Variants in NAV2 observed in about 807,000 individuals in gnomAD.
The protein encoded by NAV2 is neuron navigator 2, also known as helicase, APC down-regulated 1.
NAV2 carries 54 observed loss-of-function variants against 223.2 expected under a neutral mutation model. The ratio of observed to expected loss-of-function variants is 0.24; its 90% CI spans 0.19 to 0.30. The LOEUF is 0.30. Among genes scored for constraint, NAV2 ranks in the 10% least tolerant of loss-of-function variants. The pLI is 1.00. For synonymous variants in NAV2, 1,279 were observed against 1,239.3 expected (o/e 1.03, Z -0.67); for missense variants, 2,806 against 3,147.5 (o/e 0.89, Z 2.60).
At chr11:19,944,480 CCTTTCCCCTTTCCCCTTTCCT>C (rs550559740) in intron 8 of NAV2, among the ~76,000 whole-genome samples, 52 of 148,086 alleles carry the variant, frequency 3.5e-4, no homozygotes, top group African/African-American at 1.2e-3. Context: ...CTCTTCTTCT[CCTTTCCCCTTTCCCCTTTCCT>C]CTTTCCCCTT....
intron 1 of NAV2, among the ~76,000 whole-genome samples, chr11:19,705,648 C>T (rs895026686): frequency 5.9e-5 from 9 of 151,954 alleles, no homozygotes; most frequent in African/African-American, 2.2e-4. Flanking sequence ...TCCTTCTGTG[C>T]CAAAACAACC....
intron 1 of NAV2, among the ~76,000 whole-genome samples, chr11:19,781,880 C>G (rs1022555617): frequency 1.3e-5 from 2 of 152,072 alleles, no homozygotes; most frequent in Admixed American, 1.3e-4. Flanking sequence ...TTCCCACTAT[C>G]AAACTAATTA....
Position 19,467,040 on chromosome 11 carries a change from GAGAGAT to G in NAV2, c.75+116017_75+116022del, listed in dbSNP as rs879881946. On this transcript the variant is annotated intron_variant, in intron 1 of 37. Transcript: ENST00000360655. ...ACACAGAGAGAGAGAGAGAGAGAGA[GAGAGAT>G]AGATAGAGAGAGAGAGATGGATATC... Among the ~76,000 whole-genome samples, 242 of 149,368 alleles carry G rather than the reference GAGAGAT, an allele frequency of 1.6e-3. 1 individual carries two copies. The highest frequency in any genetic ancestry group is 0.01 in the Middle Eastern group (3 of 288).
Position 20,095,715 on chromosome 11 carries a change from G to T in NAV2, c.5960G>T (p.Ser1987Ile), listed in dbSNP as rs1337913100. The T allele has an allele frequency of 6.2e-7, 1 of 1,614,142 alleles. No individual in the cohort carries two copies. The highest frequency in any genetic ancestry group is 1.7e-5 in the Admixed American group (1 of 60,010). ...HLFLIGCIGVSGKTKWDVLDG... is the reference protein window; with the variant it reads ...HLFLIGCIGVIGKTKWDVLDG... Reference sequence around the variant, plus strand: ...TTTCTTATTGGCTGCATTGGAGTTAGTGGCAAGACGAAGTGGGATGTGCTC... The same window carrying T: ...TTTCTTATTGGCTGCATTGGAGTTATTGGCAAGACGAAGTGGGATGTGCTC... The change falls in exon 30 of 38, where the codon AGT becomes ATT. Residue 1987 changes from serine to isoleucine, a missense_variant. Physicochemically the swap from Ser to Ile is moderately radical, Grantham distance 142. Transcript: ENST00000349880.
rs760384138 is a variant in NAV2, at chr11:20,114,740, G to A, written c.7109G>A (p.Arg2370Gln). The change falls in exon 37 of 38, where the codon CGG (arginine) becomes CAG (glutamine). Residue 2370 changes from arginine (R) to glutamine (Q), a missense_variant. Arg to Gln is a conservative substitution (Grantham distance 43). This residue lies in a region of NAV2 where 824 missense variants were observed against 1,069.4 expected (regional missense o/e 0.77). Coordinates refer to ENST00000349880, the MANE Select transcript of NAV2 (RefSeq NM_145117.5). ...DVGFDGYSMPREGSTSKQMPP... is the reference protein window; with the variant it reads ...DVGFDGYSMPQEGSTSKQMPP... ...GGCTTCGACGGCTACTCCATGCCTC[G>A]GGAGGGATCGACAAGCAAGCAGATG... 1.4e-5 allele frequency: 22 copies of A among 1,614,000 alleles called. No homozygotes were observed. In the Admixed American group the frequency reaches 1.5e-4, roughly 11 times the overall value.
intron 13 of NAV2, among the ~76,000 whole-genome samples, chr11:20,044,573 G>A (rs938906409): frequency 2.6e-5 from 4 of 152,142 alleles, no homozygotes; most frequent in Non-Finnish European, 5.9e-5. Flanking sequence ...TGAGCTGTGG[G>A]TGTATGGTGA....
At chr11:19,792,988 C>T (rs2057631604) in intron 1 of NAV2, among the ~76,000 whole-genome samples, 1 of 151,568 alleles carries the variant, frequency 6.6e-6, no homozygotes, top group African/African-American at 2.4e-5. Context: ...GTGGGTGGAT[C>T]ACCTGAGGTC....
intron 1 of NAV2, among the ~76,000 whole-genome samples, chr11:19,749,607 A>G (rs1291401706): frequency 6.6e-6 from 1 of 152,198 alleles, no homozygotes; most frequent in Non-Finnish European, 1.5e-5. Flanking sequence ...TAGGACAGGG[A>G]TTACCGAGAT....
At chr11:19,452,759 T>A (rs1851832772) in intron 1 of NAV2, among the ~76,000 whole-genome samples, 1 of 152,202 alleles carries the variant, frequency 6.6e-6, no homozygotes, top group African/African-American at 2.4e-5. Context: ...GTATTCAAAG[T>A]GAAAAACAAT....
intron 1 of NAV2, among the ~76,000 whole-genome samples, chr11:19,717,217 G>T (rs2050377939): frequency 6.6e-6 from 1 of 152,242 alleles, no homozygotes; most frequent in Non-Finnish European, 1.5e-5. Context: ...ACTCTTCATT[G>T]CTTTCTTTTT....
Position 19,671,790 on chromosome 11 carries a change from C to T in NAV2, c.76-160694C>T, listed in dbSNP as rs115717724. Among the ~76,000 whole-genome samples, 306 of 152,314 alleles carry T rather than the reference C, an allele frequency of 2.0e-3. 1 individual carries two copies. Among genetic ancestry groups the T allele is most frequent in the African/African-American group, 6.8e-3 (283 of 41,574 alleles). ...AACCATTCTTAGCTCAGGGGCCAGA[C>T]GAAAACAGGCCAAGGGCCAGATCTG... On this transcript the variant is annotated intron_variant, in intron 1 of 37. Coordinates refer to the NAV2 transcript ENST00000360655.
rs777796603 is a variant in NAV2 at position 19,933,872 on chromosome 11, T to A, written c.1628T>A (p.Ile543Asn). Residue 543 changes from isoleucine to asparagine, a missense_variant, in exon 7 of 38, where the codon ATC becomes AAC. Ile to Asn is a moderately radical substitution (Grantham distance 149). Coordinates refer to ENST00000349880, the MANE Select transcript of NAV2 (RefSeq NM_145117.5). This position sits in a 1 kb window ranked among gnomAD's most constrained non-coding sequence, Gnocchi z 4.3. ...PKKSSKIASFIPKGGKLNSAK... is the reference protein window; with the variant it reads ...PKKSSKIASFNPKGGKLNSAK... ...AAGTCCTCCAAGATTGCCAGCTTCA[T>A]CCCCAAAGGGGGGAAGCTCAACAGT... is the stretch of plus-strand genomic sequence containing the variant. 2 of 1,602,062 alleles carry A rather than the reference T, an allele frequency of 1.2e-6. No individual in the cohort carries two copies. Among genetic ancestry groups the A allele is most frequent in the Admixed American group, 3.5e-5 (2 of 57,182 alleles).
Position 20,056,459 on chromosome 11 carries a change from C to T in NAV2, c.4831+502C>T, listed in dbSNP as rs748207170. ...TTAAGTGTATTGTTTTCAGTTATGC[C>T]CTTTTCTTTCTTTGGTTGCTAACTG... On this transcript the variant is annotated intron_variant, in intron 19 of 37. Transcript: ENST00000349880. 9 of 1,027,656 alleles carry T rather than the reference C, an allele frequency of 8.8e-6. No homozygotes were observed. In the African/African-American group the frequency reaches 1.1e-4, roughly 13 times the overall value. 63.7% of individuals were successfully genotyped at this position (1,027,656 alleles called of 1,614,324 possible).
intron 1 of NAV2, among the ~76,000 whole-genome samples, chr11:19,695,122 C>T (rs2049292208): frequency 1.3e-5 from 2 of 152,190 alleles, no homozygotes; most frequent in South Asian, 4.1e-4. Context: ...GATCACCTCC[C>T]ACTGCTGCCT....
At chr11:20,110,346 G>A (rs2062516088) in intron 36 of NAV2, among the ~76,000 whole-genome samples, 1 of 152,174 alleles carries the variant, frequency 6.6e-6, no homozygotes, top group African/African-American at 2.4e-5. Context: ...GCGGATTCCT[G>A]CGGAAGCTTG....
chr11:19,351,052 G>T, intron 1 of NAV2: 1 of 1,482,988 alleles, frequency 6.7e-7, no homozygotes, highest in South Asian at 1.2e-5. Context: ...TTTGTTGGTT[G>T]ATTGGATTAT....
At chr11:19,626,716 T>C (rs2047182340) in intron 1 of NAV2, among the ~76,000 whole-genome samples, 1 of 152,224 alleles carries the variant, frequency 6.6e-6, no homozygotes. Context: ...ATCACTGTTT[T>C]GTAGTTTTCC....
intron 1 of NAV2, among the ~76,000 whole-genome samples, chr11:19,677,601 T>C (rs980979538): frequency 1.3e-5 from 2 of 152,232 alleles, no homozygotes; most frequent in African/African-American, 4.8e-5. Flanking sequence ...AACTCCTCAA[T>C]TGATAAATGA....
In NAV2 at chr11:19,979,576, C is replaced by T. The variant is rs556513258; in HGVS notation, c.2646-4549C>T. Among the ~76,000 whole-genome samples, 149 of 152,316 alleles carry T rather than the reference C, an allele frequency of 9.8e-4. 1 individual carries two copies. The highest frequency in any genetic ancestry group is 3.1e-3 in the African/African-American group (128 of 41,560). On this transcript the variant is annotated intron_variant, in intron 10 of 37. Coordinates refer to ENST00000349880, the MANE Select transcript of NAV2 (RefSeq NM_145117.5). ...GGCCAACTTAAACAGCACTCCTCTGCGACGCTTTCTCCCGTGTGTTCTCAA... is the reference window on the plus strand; with the variant it reads ...GGCCAACTTAAACAGCACTCCTCTGTGACGCTTTCTCCCGTGTGTTCTCAA...
Sources: allele counts gnomAD v4.1 joint callset (sites outside exome capture counted in the v4.1 genomes callset), GRCh38; gene constraint gnomAD v4.1.1; regional missense constraint gnomAD v4.1.1; non-coding constraint Gnocchi (gnomAD v3.1); transcripts MANE v1.5; gene names NCBI Gene and HGNC (gene_info 2026-07-23, HGNC 2026-07-21).